SEMA6A: variants seen among roughly 807,000 people sequenced by gnomAD.
The protein encoded by SEMA6A is semaphorin 6A.
SEMA6A carries 25 observed loss-of-function variants against 96.8 expected under a neutral mutation model. The observed-to-expected ratio is 0.26, with a 90% CI of 0.19 to 0.36. The LOEUF (loss-of-function observed/expected upper bound fraction) is 0.36, where lower values mean the gene tolerates loss of function less well. Among genes scored for constraint, SEMA6A ranks in the 10% least tolerant of loss-of-function variants. SEMA6A has a pLI of 1.00. For missense variants in SEMA6A, 1,363 were observed against 1,323.1 expected, an observed-to-expected ratio of 1.03 and a Z score of -0.47; for synonymous variants, 612 against 518.0, an observed-to-expected ratio of 1.18 and a Z score of -2.46.
chr5:116,457,399 C>T (rs58919156), intron 18 of SEMA6A, among the ~76,000 whole-genome samples: 3 of 152,064 alleles, frequency 2.0e-5, no homozygotes, highest in East Asian at 1.9e-4. Context: ...TTGACTATAC[C>T]GAACTTCCAT....
At chr5:116,537,834 A>G (rs1759786657) in intron 1 of SEMA6A, among the ~76,000 whole-genome samples, 2 of 152,244 alleles carry the variant, frequency 1.3e-5, no homozygotes, top group Admixed American at 6.5e-5. Context: ...GAGAATTAAT[A>G]TAGACAGGTG....
intron 1 of SEMA6A, among the ~76,000 whole-genome samples, chr5:116,565,009 T>G (rs114815309): frequency 0.016 from 2,503 of 152,342 alleles, 39 homozygotes; most frequent in Non-Finnish European, 0.024. Context: ...GAGCAGAAAT[T>G]TTAAGCAAAG....
rs1214877413 is a variant in SEMA6A, at chr5:116,574,810, C to T, written c.-664G>A. The T allele has an allele frequency of 6.6e-6, 1 of 152,354 alleles. No individual in the cohort carries two copies. Among genetic ancestry groups the T allele is most frequent in the African/African-American group, 2.4e-5 (1 of 41,466 alleles). 9.4% of individuals were successfully genotyped at this position (152,354 alleles called of 1,614,324 possible). ...TTGGCTGCAGCCTCACCCCGTGCCG[C>T]TCACTACTCCTCTGTCACCGGAGAG... On this transcript the variant is annotated 5_prime_UTR_variant, in exon 1 of 19. Transcript: ENST00000343348.
intron 1 of SEMA6A, among the ~76,000 whole-genome samples, chr5:116,545,237 C>T (rs531118596): frequency 1.3e-5 from 2 of 152,284 alleles, no homozygotes; most frequent in African/African-American, 4.8e-5. Context: ...CCAATGGAGA[C>T]AGGACACAGT....
rs1464912270 is a variant in SEMA6A at position 116,545,191 on chromosome 5, G to A, written c.-39+28994C>T. On this transcript the variant is annotated intron_variant, in intron 1 of 18. Transcript: ENST00000343348. ...ATCCCTGCTCTCTTTGAAATAGCCA[G>A]TCGGGTTTAGCTTAGATTGTGCGGT... Among the ~76,000 whole-genome samples, 3 of 152,190 alleles carry A rather than the reference G, an allele frequency of 2.0e-5. 1 individual carries two copies. The highest frequency in any genetic ancestry group is 2.4e-5 in the African/African-American group (1 of 41,456).
intron 18 of SEMA6A, among the ~76,000 whole-genome samples, chr5:116,451,716 A>G (rs1481500569): frequency 6.6e-6 from 1 of 151,678 alleles, no homozygotes; most frequent in Non-Finnish European, 1.5e-5. Context: ...GGTAATCTTT[A>G]GAGTGACTAT....
intron 4 of SEMA6A, 91 bp downstream of exon 4, chr5:116,497,236 T>G: frequency 1.4e-6 from 1 of 737,338 alleles, no homozygotes; most frequent in South Asian, 1.9e-5. Context: ...TATGATTAGC[T>G]ACATCATCTT....
chr5:116,482,663 C>T, intron 10 of SEMA6A, 88 bp from the exon 11 acceptor site: 1 of 1,362,888 alleles, frequency 7.3e-7, no homozygotes, highest in South Asian at 1.3e-5. Flanking sequence ...TTTCCTGGTA[C>T]AGCAAATGAA....
chr5:116,561,158 T>C (rs1044319130), intron 1 of SEMA6A, among the ~76,000 whole-genome samples: 2 of 152,188 alleles, frequency 1.3e-5, no homozygotes, highest in Non-Finnish European at 2.9e-5. Flanking sequence ...GGCATAATAA[T>C]ACCTATCCTG....
intron 10 of SEMA6A, 99 bp downstream of exon 10, chr5:116,486,650 T>G (rs1266354808): frequency 1.9e-5 from 18 of 961,746 alleles, no homozygotes; most frequent in Admixed American, 2.2e-5. Flanking sequence ...ATGAATGCAA[T>G]TTTCAGTCAG....
chr5:116,527,289 A>G (rs1229470234), intron 1 of SEMA6A, among the ~76,000 whole-genome samples: 1 of 152,232 alleles, frequency 6.6e-6, no homozygotes, highest in Admixed American at 6.5e-5. Context: ...TCTGCCCTAA[A>G]AAATGGATAG....
At chr5:116,460,155 T>A in intron 18 of SEMA6A, among the ~76,000 whole-genome samples, 1 of 152,146 alleles carries the variant, frequency 6.6e-6, no homozygotes, top group East Asian at 1.9e-4. Context: ...AATTTTGAGG[T>A]TAAGTAAAAC....
At chr5:116,573,699 A>G (rs372861217) in intron 1 of SEMA6A, among the ~76,000 whole-genome samples, 1 of 151,704 alleles carries the variant, frequency 6.6e-6, no homozygotes, top group African/African-American at 2.4e-5. Flanking sequence ...CCCTTCTCCC[A>G]CCTGGCACTG....
chr5:116,466,176 G>C (rs1755735982), intron 18 of SEMA6A, among the ~76,000 whole-genome samples: 1 of 150,748 alleles, frequency 6.6e-6, no homozygotes, highest in Non-Finnish European at 1.5e-5. Context: ...TTCAAGACCA[G>C]CCTGGCCAAC....
chr5:116,499,331 A>G (rs568829887), intron 3 of SEMA6A, among the ~76,000 whole-genome samples: 6 of 150,240 alleles, frequency 4.0e-5, no homozygotes, highest in Admixed American at 1.3e-4. Context: ...TTGAACATAA[A>G]CTGACTTAAT....
At chr5:116,478,255 C>T in intron 13 of SEMA6A, 101 bp from the exon 14 acceptor site, 1 of 1,390,600 alleles carries the variant, frequency 7.2e-7, no homozygotes, top group Non-Finnish European at 9.8e-7. Flanking sequence ...ATCTCTTAAT[C>T]TAACTGGCGG....
In SEMA6A at chr5:116,524,775, C is replaced by CACACACACACAGACACACACACACACAG. The variant is rs1554090327; in HGVS notation, c.-38-19794_-38-19793insCTGTGTGTGTGTGTGTCTGTGTGTGTGT. 1.0e-3 allele frequency among the ~76,000 whole-genome samples: 146 copies of CACACACACACAGACACACACACACACAG among 145,508 alleles called. 1 individual carries two copies. Among genetic ancestry groups the CACACACACACAGACACACACACACACAG allele is most frequent in the Middle Eastern group, 3.4e-3 (1 of 290 alleles). On this transcript the variant is annotated intron_variant, in intron 1 of 18. Transcript: ENST00000343348. The stretch of plus-strand genomic sequence containing the variant: ...GTATAATTACATGGGTATGTATACA[C>CACACACACACAGACACACACACACACAG]ACACACACACACAGACACACACACA...
chr5:116,520,867 A>G (rs1758914236), intron 1 of SEMA6A, among the ~76,000 whole-genome samples: 1 of 152,140 alleles, frequency 6.6e-6, no homozygotes. Context: ...CCACGTAGTG[A>G]GGAAGTACTG....
At position 116,447,183 on chromosome 5, in the gene SEMA6A, C is replaced by A; in HGVS notation, c.2523G>T (p.Met841Ile). Residue 841 changes from methionine to isoleucine, a missense_variant, in exon 19 of 19, where the codon ATG (methionine) becomes ATT (isoleucine). Physicochemically the swap from Met to Ile is conservative, Grantham distance 10. Transcript: ENST00000343348. ...GTGTGGCGGCCTGGTCCTCCAGCGC[C>A]ATCTGGGCCACCTCGCTCATTTTGG... ...DQPKMSEVAQ[M>I]ALEDQAATLE... 4.3e-6 allele frequency: 7 copies of A among 1,614,066 alleles called. No homozygotes were observed. Among genetic ancestry groups the A allele is most frequent in the Non-Finnish European group, 5.9e-6 (7 of 1,179,904 alleles).
Sources: allele counts gnomAD v4.1 joint callset (sites outside exome capture counted in the v4.1 genomes callset), GRCh38; gene constraint gnomAD v4.1.1; transcripts MANE v1.5; gene names NCBI Gene and HGNC (gene_info 2026-07-23, HGNC 2026-07-21).